Variants in RBFOX1 observed in about 807,000 individuals in gnomAD.
RBFOX1 encodes RNA binding protein fox-1 homolog 1.
RBFOX1 carries 8 observed loss-of-function variants against 57.7 expected under a neutral mutation model. The ratio of observed to expected loss-of-function variants is 0.14; its 90% CI spans 0.08 to 0.25. RBFOX1 has a LOEUF of 0.25. Ranked by LOEUF, RBFOX1 falls within the 10% of genes least tolerant of loss-of-function variation. The pLI, the probability that RBFOX1 is intolerant of heterozygous loss-of-function variation, is 1.00. For synonymous variants in RBFOX1, 326 were observed against 222.4 expected, an observed-to-expected ratio of 1.47 and a Z score of -4.15; for missense variants, 611 against 548.5, an observed-to-expected ratio of 1.11 and a Z score of -1.14.
At chr16:7,534,318 C>T (rs2080960174) in intron 5 of RBFOX1, among the ~76,000 whole-genome samples, 1 of 151,792 alleles carries the variant, frequency 6.6e-6, no homozygotes, top group Non-Finnish European at 1.5e-5. Context: ...GTCTCGAACT[C>T]CTGGCCTCAG....
chr16:5,713,587 G>A (rs1021100733), intron 3 of RBFOX1, among the ~76,000 whole-genome samples: 1 of 152,132 alleles, frequency 6.6e-6, no homozygotes, highest in Non-Finnish European at 1.5e-5. Flanking sequence ...AGTTGATCTG[G>A]AAATGCCCGG....
At chr16:6,087,289 G>A (rs917486204) in intron 1 of RBFOX1, among the ~76,000 whole-genome samples, 1 of 152,144 alleles carries the variant, frequency 6.6e-6, no homozygotes, top group Non-Finnish European at 1.5e-5. Flanking sequence ...TCTGTCCAGA[G>A]TTTTGTGCCT....
At chr16:6,505,711 T>C (rs141314413) in intron 2 of RBFOX1, among the ~76,000 whole-genome samples, 51 of 152,294 alleles carry the variant, frequency 3.3e-4, no homozygotes, top group African/African-American at 1.2e-3. Flanking sequence ...GTAGTACTCT[T>C]TGGTACAGAC....
At chr16:6,108,796 A>G (rs755260225) in intron 1 of RBFOX1, among the ~76,000 whole-genome samples, 5 of 151,770 alleles carry the variant, frequency 3.3e-5, no homozygotes, top group East Asian at 1.9e-4. Flanking sequence ...ACTCCTTCCA[A>G]TCTATGTCCC....
chr16:6,679,982 C>A (rs1301269036), intron 3 of RBFOX1, among the ~76,000 whole-genome samples: 2 of 146,562 alleles, frequency 1.4e-5, no homozygotes, highest in Non-Finnish European at 3.0e-5. Context: ...GCCTGACAGG[C>A]AAGACAGGAT....
At chr16:7,292,109 T>G (rs9926772) in intron 4 of RBFOX1, among the ~76,000 whole-genome samples, 1 of 76,372 alleles carries the variant, frequency 1.3e-5, no homozygotes, top group African/African-American at 4.9e-5. Context: ...TATCATGTAT[T>G]ATGTATAATA....
intron 4 of RBFOX1, among the ~76,000 whole-genome samples, chr16:7,153,868 C>A (rs1432203111): frequency 6.6e-6 from 1 of 151,852 alleles, no homozygotes; most frequent in Admixed American, 6.6e-5. Flanking sequence ...GTTCTTGATA[C>A]CAGGCAGGAA....
At chr16:7,043,892 TC>T (rs1173786141) in intron 3 of RBFOX1, among the ~76,000 whole-genome samples, 1 of 152,218 alleles carries the variant, frequency 6.6e-6, no homozygotes, top group Non-Finnish European at 1.5e-5. Flanking sequence ...TATATTTTTT[TC>T]ATTCTTTACC....
Position 6,019,369 on chromosome 16 carries a change from G to T in RBFOX1, c.-750G>T. 3.0e-6 allele frequency: 3 copies of T among 985,532 alleles called. No individual in the cohort carries two copies. The highest frequency in any genetic ancestry group is 3.6e-6 in the Non-Finnish European group (3 of 830,152). 61.0% of individuals were successfully genotyped at this position (985,532 alleles called of 1,614,324 possible). A position where few individuals can be genotyped will look rare whatever the true frequency, so the allele number is the denominator to read the frequency against. On this transcript the variant is annotated 5_prime_UTR_variant, in exon 1 of 16. Coordinates refer to ENST00000550418, the MANE Select transcript of RBFOX1 (RefSeq NM_018723.4). This position sits in a 1 kb window ranked among gnomAD's most constrained non-coding sequence, Gnocchi z 4.2. ...CCAGCCAGAGTCGGTGGGACTGGCTGCGCTGCCCTGAAGTGGTTCTCCAAG... is the reference window on the plus strand; with the variant it reads ...CCAGCCAGAGTCGGTGGGACTGGCTTCGCTGCCCTGAAGTGGTTCTCCAAG...
intron 1 of RBFOX1, among the ~76,000 whole-genome samples, chr16:5,413,303 C>T (rs960347407): frequency 5.9e-5 from 9 of 152,150 alleles, no homozygotes; most frequent in Admixed American, 1.3e-4. Context: ...CACCATGGCC[C>T]TTTTTCTTTC....
intron 3 of RBFOX1, among the ~76,000 whole-genome samples, chr16:5,630,382 G>C (rs555366197): frequency 6.6e-6 from 1 of 152,084 alleles, no homozygotes; most frequent in African/African-American, 2.4e-5. Context: ...GTTTGAACCC[G>C]GGAGGTGGAG....
At chr16:5,480,211 A>G (rs187786630) in intron 2 of RBFOX1, among the ~76,000 whole-genome samples, 20 of 152,308 alleles carry the variant, frequency 1.3e-4, no homozygotes, top group Admixed American at 1.0e-3. Context: ...TGTGCTCTGT[A>G]GAATCGCTAA....
intron 4 of RBFOX1, among the ~76,000 whole-genome samples, chr16:7,113,105 C>G (rs2065141254): frequency 6.6e-6 from 1 of 152,126 alleles, no homozygotes; most frequent in South Asian, 2.1e-4. Context: ...ACATGTTGAA[C>G]CACGGTCAAT....
chr16:5,318,735 A>G (rs1248944102), intron 1 of RBFOX1, among the ~76,000 whole-genome samples: 4 of 152,176 alleles, frequency 2.6e-5, no homozygotes, highest in African/African-American at 9.7e-5. Context: ...TAACTTAGGT[A>G]CTGCTCTAAA....
chr16:7,467,020 A>T (rs979301209), intron 4 of RBFOX1, among the ~76,000 whole-genome samples: 1 of 152,178 alleles, frequency 6.6e-6, no homozygotes, highest in Admixed American at 6.5e-5. Flanking sequence ...AACCAAACAG[A>T]TATGTCTCTT....
Position 5,278,756 on chromosome 16 carries a change from T to C in RBFOX1, c.219+38651T>C, listed in dbSNP as rs1359823604. 2.0e-5 allele frequency among the ~76,000 whole-genome samples: 3 copies of C among 152,248 alleles called. No individual in the cohort carries two copies. In the East Asian group the frequency reaches 5.8e-4, roughly 29 times the overall value. On this transcript the variant is annotated intron_variant, in intron 1 of 2. Coordinates refer to the RBFOX1 transcript ENST00000585867. ...TTAAGTCTTTAATCAATTTTGAGTT[T>C]ATTTTTGTAAGTGATGAGAGATAAG...
chr16:6,622,532 T>C (rs1297429906), intron 2 of RBFOX1, among the ~76,000 whole-genome samples: 1 of 152,156 alleles, frequency 6.6e-6, no homozygotes, highest in Non-Finnish European at 1.5e-5. Context: ...CCGTGTGATG[T>C]TGTCACAAGG....
In RBFOX1 at chr16:7,087,386, A is replaced by G. The variant is rs1034469806; in HGVS notation, c.27+35288A>G. Among the ~76,000 whole-genome samples the G allele has an allele frequency of 2.6e-5, 4 of 152,238 alleles. No homozygotes were observed. In the South Asian group the frequency reaches 6.2e-4, roughly 24 times the overall value. On this transcript the variant is annotated intron_variant, in intron 4 of 15. Transcript: ENST00000550418. ...TGCCTGTCTGTTGATGATCAACACC[A>G]TCGCTAGTATTATGAATATTGCTAG...
intron 1 of RBFOX1, among the ~76,000 whole-genome samples, chr16:5,284,207 TA>T (rs1200958640): frequency 6.6e-6 from 1 of 152,230 alleles, no homozygotes; most frequent in East Asian, 1.9e-4. Flanking sequence ...CGTGGAAATG[TA>T]AGTCCATTAA....
Sources: allele counts gnomAD v4.1 joint callset (sites outside exome capture counted in the v4.1 genomes callset), GRCh38; gene constraint gnomAD v4.1.1; non-coding constraint Gnocchi (gnomAD v3.1); transcripts MANE v1.5; gene names NCBI Gene and HGNC (gene_info 2026-07-23, HGNC 2026-07-21).